SEMA3D: variants seen among roughly 807,000 people sequenced by gnomAD.
SEMA3D encodes semaphorin 3D, also known as semaphorin-3D.
A neutral mutation model predicts 100.1 loss-of-function variants in SEMA3D; 84 were observed. The ratio of observed to expected loss-of-function variants is 0.84; its 90% CI spans 0.70 to 1.01. SEMA3D has a LOEUF of 1.01. Ranked by LOEUF, SEMA3D falls within the 50% of genes least tolerant of loss-of-function variation. The probability of loss-of-function intolerance (pLI) is 0.00; values close to 1 mark genes in which losing one functional copy is unlikely to be tolerated. For synonymous variants in SEMA3D, 312 were observed against 320.7 expected (o/e 0.97, Z 0.29); for missense variants, 875 against 934.1 (o/e 0.94, Z 0.82).
the SEMA3D span, among the ~76,000 whole-genome samples, chr7:85,220,198 T>G: frequency 6.6e-6 from 1 of 152,064 alleles, no homozygotes; most frequent in Admixed American, 6.6e-5. Context: ...CTGGATACCA[T>G]GTGTTGTCGC....
At chr7:85,121,707 TAATA>T in intron 3 of SEMA3D, 30 bp downstream of exon 3, 1 of 1,207,618 alleles carries the variant, frequency 8.3e-7, no homozygotes, top group Non-Finnish European at 1.2e-6. Context: ...TTCAAAATCT[TAATA>T]AACAATTTAG....
At chr7:85,120,855 T>C (rs945597346) in intron 3 of SEMA3D, among the ~76,000 whole-genome samples, 2 of 152,260 alleles carry the variant, frequency 1.3e-5, no homozygotes, top group South Asian at 4.1e-4. Context: ...TTTAACTCTT[T>C]AATACATGAC....
chr7:85,102,208 CAGAT>C (rs751402178), intron 3 of SEMA3D, among the ~76,000 whole-genome samples: 12 of 152,012 alleles, frequency 7.9e-5, no homozygotes, highest in Non-Finnish European at 1.5e-4. Context: ...CCTTGAAAGA[CAGAT>C]AGAATTTTGA....
chr7:85,041,434 CA>C (rs1790861835), intron 10 of SEMA3D: 1 of 151,868 alleles, frequency 6.6e-6, no homozygotes, highest in African/African-American at 2.4e-5. Context: ...AAGTTATGTG[CA>C]AATAATATTC....
At chr7:85,091,374 C>A in intron 4 of SEMA3D, among the ~76,000 whole-genome samples, 1 of 152,064 alleles carries the variant, frequency 6.6e-6, no homozygotes, top group East Asian at 1.9e-4. Context: ...AGGTTTGAAC[C>A]GCTTCCAAAA....
the SEMA3D span, among the ~76,000 whole-genome samples, chr7:85,195,889 GT>G: frequency 3.2e-3 from 489 of 152,246 alleles, 5 homozygotes; most frequent in African/African-American, 0.011. Context: ...AGTTGGCTTT[GT>G]TTTATTCAAT....
chr7:85,087,526 G>A (rs1263681001), intron 4 of SEMA3D, among the ~76,000 whole-genome samples: 1 of 152,168 alleles, frequency 6.6e-6, no homozygotes, highest in Non-Finnish European at 1.5e-5. Flanking sequence ...GGTATAGCTA[G>A]TAATTGAACA....
chr7:85,241,467 G>GTGTGTATATATATATATATATATATATA, the SEMA3D span, among the ~76,000 whole-genome samples: 141 of 91,818 alleles, frequency 1.5e-3, 2 homozygotes, highest in African/African-American at 5.5e-3. Context: ...CTGTGTGTGT[G>GTGTGTATATATATATATATATATATATA]TATATATATA....
intron 1 of SEMA3D, among the ~76,000 whole-genome samples, chr7:85,158,289 C>A (rs1322674787): frequency 6.6e-6 from 1 of 152,184 alleles, no homozygotes; most frequent in Non-Finnish European, 1.5e-5. Context: ...TTGCTGAATT[C>A]TTTTTCTCAG....
intron 1 of SEMA3D, among the ~76,000 whole-genome samples, chr7:85,173,098 T>C (rs985827928): frequency 1.3e-5 from 2 of 151,406 alleles, no homozygotes; most frequent in Admixed American, 1.3e-4. Context: ...GCTAAGTAAA[T>C]AACTATGCAT....
Position 84,999,359 on chromosome 7 carries a change from T to C in SEMA3D, c.*81A>G. The C allele has an allele frequency of 9.3e-7, 1 of 1,079,224 alleles. No homozygotes were observed. The highest frequency in any genetic ancestry group is 1.3e-6 in the Non-Finnish European group (1 of 740,934). 66.9% of individuals were successfully genotyped at this position (1,079,224 alleles called of 1,614,324 possible). The stretch of plus-strand genomic sequence containing the variant: ...AGCAAAACTCCATGGGAAGCATTTA[T>C]GAATTACTATAAGGGATATACAAAA... On this transcript the variant is annotated 3_prime_UTR_variant, in exon 19 of 19. Coordinates refer to ENST00000284136, the MANE Select transcript of SEMA3D (RefSeq NM_001384900.1).
At chr7:85,243,727 C>A in the SEMA3D span, among the ~76,000 whole-genome samples, 1 of 152,078 alleles carries the variant, frequency 6.6e-6, no homozygotes, top group Non-Finnish European at 1.5e-5. Context: ...GTGAAGTCTA[C>A]GGAATGTTTT....
chr7:85,203,047 T>G, the SEMA3D span, among the ~76,000 whole-genome samples: 1 of 152,202 alleles, frequency 6.6e-6, no homozygotes, highest in Admixed American at 6.5e-5. Context: ...ATTACGTGCC[T>G]GCAAAGCAGG....
intron 18 of SEMA3D, among the ~76,000 whole-genome samples, chr7:85,004,275 A>C (rs1190660925): frequency 6.6e-6 from 1 of 152,142 alleles, no homozygotes; most frequent in African/African-American, 2.4e-5. Context: ...TTTATGTGTT[A>C]CTGTAATTTT....
intron 8 of SEMA3D, among the ~76,000 whole-genome samples, chr7:85,063,678 T>G (rs980090826): frequency 6.6e-6 from 1 of 152,202 alleles, no homozygotes; most frequent in Non-Finnish European, 1.5e-5. Context: ...CTCTTGTCTC[T>G]CTGTCCTCGT....
chr7:85,120,368 GT>G (rs1162192603), intron 3 of SEMA3D, among the ~76,000 whole-genome samples: 1 of 151,906 alleles, frequency 6.6e-6, no homozygotes, highest in Non-Finnish European at 1.5e-5. Flanking sequence ...TCAAATACAG[GT>G]TTTAGTTATC....
chr7:85,162,232 T>C (rs1790767327), intron 1 of SEMA3D, among the ~76,000 whole-genome samples: 1 of 152,128 alleles, frequency 6.6e-6, no homozygotes. Context: ...ACCTGCATCC[T>C]CCAACTGCCC....
At chr7:85,157,513 T>G (rs1790633186) in intron 1 of SEMA3D, 2 of 200,940 alleles carry the variant, frequency 1.0e-5, no homozygotes, top group Admixed American at 1.3e-4. Context: ...GTATACTGTC[T>G]AAAATGTGCT....
At chr7:85,031,713 C>A (rs1790555062) in intron 12 of SEMA3D, among the ~76,000 whole-genome samples, 1 of 151,832 alleles carries the variant, frequency 6.6e-6, no homozygotes, top group Non-Finnish European at 1.5e-5. Flanking sequence ...GATAATAATA[C>A]CTACTCTGTG....
Sources: allele counts gnomAD v4.1 joint callset (sites outside exome capture counted in the v4.1 genomes callset), GRCh38; gene constraint gnomAD v4.1.1; transcripts MANE v1.5; gene names NCBI Gene and HGNC (gene_info 2026-07-23, HGNC 2026-07-21).